ATF6: variants seen among roughly 807,000 people sequenced by gnomAD.
ATF6 encodes cyclic AMP-dependent transcription factor ATF-6 alpha.
ATF6 carries 53 observed loss-of-function variants against 83.6 expected under a neutral mutation model. The ratio of observed to expected loss-of-function variants is 0.63; its 90% CI spans 0.51 to 0.80. ATF6 has a LOEUF of 0.80. ATF6 is among the 30% of genes least tolerant of loss of function. The pLI, the probability that ATF6 is intolerant of heterozygous loss-of-function variation, is 0.00. For synonymous variants in ATF6, 288 were observed against 285.8 expected (o/e 1.01, Z -0.08); for missense variants, 744 against 797.9 (o/e 0.93, Z 0.81).
At chr1:161,819,529 T>A in intron 7 of ATF6, 104 bp from the exon 8 acceptor site, 3 of 930,450 alleles carry the variant, frequency 3.2e-6, no homozygotes, top group Non-Finnish European at 4.4e-6. Flanking sequence ...ACCTATGCTT[T>A]GAAAAAATTG....
chr1:161,851,004 G>A (rs61808547), intron 10 of ATF6, among the ~76,000 whole-genome samples: 1,844 of 152,216 alleles, frequency 0.012, 13 homozygotes, highest in Non-Finnish European at 0.019. Context: ...AGCAAATGGA[G>A]TAACTAGTTA....
At chr1:161,885,638 T>A (rs1346088993) in intron 14 of ATF6, among the ~76,000 whole-genome samples, 1 of 152,138 alleles carries the variant, frequency 6.6e-6, no homozygotes, top group Non-Finnish European at 1.5e-5. Flanking sequence ...ATAAGTTGCT[T>A]GAAAGTCCCA....
intron 4 of ATF6, among the ~76,000 whole-genome samples, chr1:161,788,010 C>G (rs1465031754): frequency 6.6e-6 from 1 of 152,138 alleles, no homozygotes; most frequent in Non-Finnish European, 1.5e-5. Context: ...ACATTTTTAC[C>G]TACACCATAA....
chr1:161,963,216 C>T lies in ATF6; in HGVS notation c.*4562C>T, dbSNP rs1302677176. On this transcript the variant is annotated 3_prime_UTR_variant, in exon 16 of 16. Coordinates refer to ENST00000367942, the MANE Select transcript of ATF6 (RefSeq NM_007348.4). ...TGTTCTGTTCTTATCTTTTTAATGA[C>T]TAAGCTTTAAACAGTTTATTTTGGG... The T allele has an allele frequency of 2.6e-5, 4 of 152,180 alleles. No individual in the cohort carries two copies. Among genetic ancestry groups the T allele is most frequent in the Non-Finnish European group, 4.4e-5 (3 of 68,024 alleles). The allele number at this position is 152,180 out of a possible 1,614,324, so 9.4% of individuals were successfully genotyped here. A position where few individuals can be genotyped will look rare whatever the true frequency, so the allele number is the denominator to read the frequency against.
chr1:161,907,452 G>A (rs1357566502), intron 14 of ATF6, among the ~76,000 whole-genome samples: 2 of 152,190 alleles, frequency 1.3e-5, no homozygotes, highest in African/African-American at 4.8e-5. Context: ...TAAGAGGCTG[G>A]TGTTACTATT....
chr1:161,833,462 A>G (rs548945187), intron 9 of ATF6, among the ~76,000 whole-genome samples: 33 of 152,292 alleles, frequency 2.2e-4, no homozygotes, highest in African/African-American at 7.5e-4. Flanking sequence ...ACTCCGAGCT[A>G]AAGGAGGAAG....
intron 10 of ATF6, among the ~76,000 whole-genome samples, chr1:161,849,034 T>C (rs574457260): frequency 6.6e-6 from 1 of 152,274 alleles, no homozygotes; most frequent in African/African-American, 2.4e-5. Context: ...CAAATATATT[T>C]TCAAAAGCAG....
chr1:161,891,350 G>C (rs1433604284), intron 14 of ATF6: 1 of 152,284 alleles, frequency 6.6e-6, no homozygotes, highest in African/African-American at 2.4e-5. Flanking sequence ...CGCTTATCCT[G>C]AAGGTGCAGG....
intron 9 of ATF6, among the ~76,000 whole-genome samples, chr1:161,845,950 T>TA (rs1005522320): frequency 6.6e-6 from 1 of 152,072 alleles, no homozygotes; most frequent in African/African-American, 2.4e-5. Flanking sequence ...TAGAAGTATT[T>TA]AAAAAATTTT....
At chr1:161,895,814 A>G (rs1459759616) in intron 14 of ATF6, among the ~76,000 whole-genome samples, 1 of 151,978 alleles carries the variant, frequency 6.6e-6, no homozygotes, top group African/African-American at 2.4e-5. Context: ...TTCATGCCTT[A>G]TACTGATTAG....
chr1:161,841,499 C>T (rs1381965253), intron 9 of ATF6, among the ~76,000 whole-genome samples: 4 of 151,940 alleles, frequency 2.6e-5, no homozygotes, highest in African/African-American at 9.7e-5. Context: ...AAGTGAAAAA[C>T]GTTAAAAGAT....
chr1:161,782,632 G>C (rs1312501656), intron 3 of ATF6, among the ~76,000 whole-genome samples: 1 of 152,184 alleles, frequency 6.6e-6, no homozygotes, highest in African/African-American at 2.4e-5. Flanking sequence ...TGGACTTAGT[G>C]CTGAGAGACA....
chr1:161,949,988 A>G (rs1688830293), intron 15 of ATF6, among the ~76,000 whole-genome samples: 1 of 152,250 alleles, frequency 6.6e-6, no homozygotes, highest in South Asian at 2.1e-4. Context: ...ACTGCATATA[A>G]GAGAATTCCG....
chr1:161,798,626 A>G (rs986689829), intron 6 of ATF6, among the ~76,000 whole-genome samples: 1 of 152,108 alleles, frequency 6.6e-6, no homozygotes, highest in African/African-American at 2.4e-5. Flanking sequence ...AAAATCAACT[A>G]AAGAGCTTCT....
intron 14 of ATF6, among the ~76,000 whole-genome samples, chr1:161,890,471 T>A (rs1014201870): frequency 2.6e-5 from 4 of 152,196 alleles, no homozygotes; most frequent in African/African-American, 9.7e-5. Flanking sequence ...GACCCAGGGA[T>A]TGTCGATTTG....
intron 14 of ATF6, among the ~76,000 whole-genome samples, chr1:161,864,739 A>G (rs1271152577): frequency 6.6e-6 from 1 of 152,226 alleles, no homozygotes; most frequent in Non-Finnish European, 1.5e-5. Context: ...GTTTCTGTAC[A>G]GGACCAGCCT....
intron 14 of ATF6, among the ~76,000 whole-genome samples, chr1:161,890,530 A>C (rs1687525694): frequency 6.6e-6 from 1 of 152,228 alleles, no homozygotes; most frequent in Admixed American, 6.5e-5. Flanking sequence ...GGTCTTCACA[A>C]TGCTTTCTTA....
chr1:161,831,659 T>G (rs1199788500), intron 9 of ATF6, among the ~76,000 whole-genome samples: 2 of 151,570 alleles, frequency 1.3e-5, no homozygotes, highest in Non-Finnish European at 2.9e-5. Context: ...CATGGATGAA[T>G]CTGGAAACCA....
intron 15 of ATF6, among the ~76,000 whole-genome samples, chr1:161,921,464 G>T (rs559510169): frequency 5.3e-5 from 8 of 152,268 alleles, no homozygotes; most frequent in African/African-American, 1.7e-4. Context: ...AAGATGAGGT[G>T]ATTCAAAGCT....
Sources: allele counts gnomAD v4.1 joint callset (sites outside exome capture counted in the v4.1 genomes callset), GRCh38; gene constraint gnomAD v4.1.1; transcripts MANE v1.5; gene names NCBI Gene and HGNC (gene_info 2026-07-23, HGNC 2026-07-21).